SPEF2: variants seen among roughly 807,000 people sequenced by gnomAD.
SPEF2 encodes sperm flagellar and cilia associated 2.
Under a neutral mutation model 224.6 loss-of-function variants are expected in SPEF2, and 187 were observed. The observed-to-expected ratio is 0.83, with a 90% CI of 0.74 to 0.94. The LOEUF (loss-of-function observed/expected upper bound fraction) is 0.94. SPEF2 is among the 40% of genes least tolerant of loss of function. SPEF2 has a pLI of 0.00. For synonymous variants in SPEF2, 715 were observed against 707.3 expected (o/e 1.01, Z -0.17); for missense variants, 2,170 against 2,135.6 (o/e 1.02, Z -0.32).
intron 7 of SPEF2, among the ~76,000 whole-genome samples, chr5:35,657,936 C>T (rs571200004): frequency 9.8e-5 from 15 of 152,336 alleles, no homozygotes; most frequent in African/African-American, 3.6e-4. Flanking sequence ...CAGGTCTTTC[C>T]TGCAGTGCCC....
rs767023740 is a variant in SPEF2 at position 35,628,498 on chromosome 5, C to G, written c.97C>G (p.Leu33Val). The change falls in exon 2 of 37, where the codon CTA (leucine) becomes GTA (valine). Residue 33 changes from leucine to valine, a missense_variant. Coordinates refer to ENST00000356031, the MANE Select transcript of SPEF2 (RefSeq NM_024867.4). ...TGCAAAGGCATTTTCCAGTGGCTAT[C>G]TACTTGGAGAAGTTCTACACAAGTT... The part of the protein sequence containing the change: ...SFAKAFSSGY[L>V]LGEVLHKFEL... 1.2e-5 allele frequency: 19 copies of G among 1,613,968 alleles called. No homozygotes were observed. In the South Asian group the frequency reaches 2.1e-4, roughly 18 times the overall value.
chr5:35,799,218 T>G (rs1360700332), intron 33 of SPEF2, among the ~76,000 whole-genome samples: 7 of 152,202 alleles, frequency 4.6e-5, no homozygotes, highest in African/African-American at 1.7e-4. Context: ...TGAGAAAAGC[T>G]AGAAGGTAGC....
chr5:35,634,590 G>A (rs1395864164), intron 2 of SPEF2, among the ~76,000 whole-genome samples: 1 of 151,886 alleles, frequency 6.6e-6, no homozygotes, highest in Non-Finnish European at 1.5e-5. Context: ...GATTCTTTTT[G>A]TCCCCTTTCT....
chr5:35,745,410 G>C (rs1177589687), intron 23 of SPEF2, among the ~76,000 whole-genome samples: 3 of 152,134 alleles, frequency 2.0e-5, no homozygotes, highest in Admixed American at 2.0e-4. Flanking sequence ...CTCGGAGGTG[G>C]GTATCCTTGA....
At chr5:35,785,829 G>C (rs1755033330) in intron 30 of SPEF2, among the ~76,000 whole-genome samples, 1 of 151,468 alleles carries the variant, frequency 6.6e-6, no homozygotes, top group African/African-American at 2.4e-5. Flanking sequence ...AGTGCTGAGA[G>C]TACAGCCATG....
intron 1 of SPEF2, among the ~76,000 whole-genome samples, chr5:35,620,418 CAAT>C (rs1743340573): frequency 6.6e-6 from 1 of 151,990 alleles, no homozygotes; most frequent in Non-Finnish European, 1.5e-5. Flanking sequence ...TTAAAAACAG[CAAT>C]AATAATGATA....
At chr5:35,733,328 A>G (rs1356669305) in intron 21 of SPEF2, among the ~76,000 whole-genome samples, 1 of 152,070 alleles carries the variant, frequency 6.6e-6, no homozygotes, top group African/African-American at 2.4e-5. Context: ...GTTAGCCAGG[A>G]TGGTCGCGAT....
chr5:35,633,380 T>C (rs1021529171), intron 2 of SPEF2, among the ~76,000 whole-genome samples: 7 of 152,110 alleles, frequency 4.6e-5, no homozygotes, highest in Non-Finnish European at 8.8e-5. Flanking sequence ...TTTAACAATA[T>C]AAAATATTCT....
At chr5:35,770,945 T>C (rs1004294776) in intron 26 of SPEF2, among the ~76,000 whole-genome samples, 11 of 152,090 alleles carry the variant, frequency 7.2e-5, no homozygotes, top group African/African-American at 2.4e-4. Context: ...ACCTCACAAA[T>C]ACTCAGTCTT....
chr5:35,697,991 C>T lies in SPEF2; in HGVS notation c.2141+198C>T, dbSNP rs1580330868. 7 of 416,852 alleles carry T rather than the reference C, an allele frequency of 1.7e-5. No homozygotes were observed. The East Asian group carries it at 3.0e-4, about 18-fold the overall frequency. The allele number at this position is 416,852 out of a possible 1,614,324, so 25.8% of individuals were successfully genotyped here. A position where few individuals can be genotyped will look rare whatever the true frequency, so the allele number is the denominator to read the frequency against. ...ATTCCGCTTCTTCTCCCATACCAAG[C>T]TTGACTTCTTTTACCCAGATGTGAA... On this transcript the variant is annotated intron_variant, in intron 15 of 36. Transcript: ENST00000356031.
Position 35,707,497 on chromosome 5 carries a change from A to G in SPEF2, c.2666-1451A>G, listed in dbSNP as rs570665764. On this transcript the variant is annotated intron_variant, in intron 18 of 36. Transcript: ENST00000356031. ...AGAATGAAGCCTCCTAGCTTGCTGA[A>G]TTGAAAAGAGTAATCTAAGGGTGGA... Among the ~76,000 whole-genome samples the G allele has an allele frequency of 1.5e-4, 23 of 152,328 alleles. No homozygotes were observed. In the South Asian group the frequency reaches 4.6e-3, roughly 30 times the overall value.
chr5:35,623,909 T>C (rs1245814592), intron 1 of SPEF2, among the ~76,000 whole-genome samples: 1 of 152,146 alleles, frequency 6.6e-6, no homozygotes, highest in Non-Finnish European at 1.5e-5. Flanking sequence ...ATATAAGATT[T>C]AATTCTCAAA....
Position 35,691,154 on chromosome 5 carries a change from G to A in SPEF2, c.1642G>A (p.Ala548Thr), listed in dbSNP as rs762726927. Reference sequence around the variant, plus strand: ...AGCTGAAAAATCTCTTCCTCCTCGAGCGGAATCAACAACACCTGAATTACC... The same window carrying A: ...AGCTGAAAAATCTCTTCCTCCTCGAACGGAATCAACAACACCTGAATTACC... ...RLAEKSLPPR[A>T]ESTTPELPSF... is the part of the protein sequence containing the mutation. Residue 548 changes from alanine (A) to threonine (T), a missense_variant, in exon 11 of 37, where the codon GCG becomes ACG. By Grantham distance (58) the Ala-to-Thr change is moderately conservative. Coordinates refer to ENST00000356031, the MANE Select transcript of SPEF2 (RefSeq NM_024867.4). The A allele has an allele frequency of 1.2e-6, 2 of 1,613,910 alleles. No individual in the cohort carries two copies. The highest frequency in any genetic ancestry group is 1.3e-5 in the African/African-American group (1 of 74,880).
chr5:35,695,862 G>T, intron 14 of SPEF2, 66 bp downstream of exon 14: 1 of 1,256,526 alleles, frequency 8.0e-7, no homozygotes, highest in Admixed American at 2.2e-5. Flanking sequence ...TGGTGTTTTG[G>T]AGTGTCTTCG....
intron 2 of SPEF2, among the ~76,000 whole-genome samples, 171 bp downstream of exon 2, chr5:35,628,733 A>C (rs529919376): frequency 2.0e-5 from 3 of 152,124 alleles, no homozygotes; most frequent in Non-Finnish European, 4.4e-5. Context: ...GTGGGACTAC[A>C]GGTGCATGCC....
At chr5:35,789,802 AT>A (rs752148721) in intron 30 of SPEF2, 35 of 702,238 alleles carry the variant, frequency 5.0e-5, no homozygotes, top group Non-Finnish European at 8.3e-5. Context: ...TGATTATAGA[AT>A]TTGGAGAAAA....
intron 33 of SPEF2, among the ~76,000 whole-genome samples, chr5:35,796,408 G>A (rs1442003641): frequency 1.3e-5 from 2 of 151,960 alleles, no homozygotes; most frequent in Non-Finnish European, 2.9e-5. Context: ...TCAGGAGATC[G>A]AGACCATCCT....
At chr5:35,650,092 T>C (rs558029111) in intron 6 of SPEF2, among the ~76,000 whole-genome samples, 1 of 152,222 alleles carries the variant, frequency 6.6e-6, no homozygotes, top group Non-Finnish European at 1.5e-5. Context: ...GATAAATCTC[T>C]GTTAAAGAAG....
chr5:35,708,637 T>TA (rs1740395495), intron 18 of SPEF2, among the ~76,000 whole-genome samples: 1 of 622 alleles, frequency 1.6e-3, no homozygotes, highest in Non-Finnish European at 3.9e-3. Context: ...CACCATCACC[T>TA]CTACCAGCAC....
Sources: allele counts gnomAD v4.1 joint callset (sites outside exome capture counted in the v4.1 genomes callset), GRCh38; gene constraint gnomAD v4.1.1; transcripts MANE v1.5; gene names NCBI Gene and HGNC (gene_info 2026-07-23, HGNC 2026-07-21).